CREBBP: variants seen among roughly 807,000 people sequenced by gnomAD.
The protein encoded by CREBBP is CREB-binding protein.
CREBBP carries 19 observed loss-of-function variants against 265.0 expected under a neutral mutation model. The ratio of observed to expected loss-of-function variants is 0.07; its 90% CI spans 0.05 to 0.11. CREBBP has a LOEUF of 0.11. Among genes scored for constraint, CREBBP ranks in the 10% least tolerant of loss-of-function variants. CREBBP has a pLI of 1.00. For missense variants in CREBBP, 2,525 were observed against 3,219.0 expected (o/e 0.78, Z 5.22); for synonymous variants, 1,457 against 1,223.7 (o/e 1.19, Z -3.98).
intron 5 of CREBBP, among the ~76,000 whole-genome samples, chr16:3,785,565 C>G (rs1240165750): frequency 6.6e-6 from 1 of 152,214 alleles, no homozygotes; most frequent in Non-Finnish European, 1.5e-5. Flanking sequence ...TGTGCAGAGT[C>G]CAGGGGACGT....
rs1567259904 is a variant in CREBBP, at chr16:3,728,137, G to T, written c.6910C>A (p.Gln2304Lys). Residue 2304 changes from glutamine to lysine, a missense_variant, in exon 31 of 31, where the codon CAG (glutamine) becomes AAG (lysine). Coordinates refer to ENST00000262367, the MANE Select transcript of CREBBP (RefSeq NM_004380.3). This position sits in a 1 kb window ranked among gnomAD's most constrained non-coding sequence, Gnocchi z 8.7. The stretch of plus-strand genomic sequence containing the variant: ...TTCGGCTGGCCTGGGGACCCAATCT[G>T]CTGCTTCATCTGCTGTTGCTGCAGA... ...RILQQQQMKQ[Q>K]IGSPGQPNPM... is the part of the protein sequence containing the mutation. 1 of 1,614,158 alleles carries T rather than the reference G, an allele frequency of 6.2e-7. No individual in the cohort carries two copies. Among genetic ancestry groups the T allele is most frequent in the East Asian group, 2.2e-5 (1 of 44,878 alleles).
At chr16:3,757,605 C>G (rs547415499) in intron 18 of CREBBP, among the ~76,000 whole-genome samples, 1 of 152,124 alleles carries the variant, frequency 6.6e-6, no homozygotes, top group African/African-American at 2.4e-5. Context: ...CAGCCAGAAA[C>G]GCTTCCCCAT....
chr16:3,818,507 C>T (rs1455412722), intron 2 of CREBBP, among the ~76,000 whole-genome samples: 1 of 151,876 alleles, frequency 6.6e-6, no homozygotes, highest in Non-Finnish European at 1.5e-5. Context: ...GGGGTTTCCC[C>T]ATCTTTACTA....
Position 3,729,020 on chromosome 16 carries a change from G to T in CREBBP, c.6027C>A (p.Ser2009Arg). 1 of 1,591,014 alleles carries T rather than the reference G, an allele frequency of 6.3e-7. No homozygotes were observed. ...GAGGCATGCTGGGCATGACGGGCCC[G>T]CTCACCTGGTTGGGTCGGGGCACAT... is the stretch of plus-strand genomic sequence containing the variant. ...SLNVPRPNQV[S>R]GPVMPSMPPG... The change falls in exon 31 of 31, where the codon AGC (serine) becomes AGA (arginine). Residue 2009 changes from serine (S) to arginine (R), a missense_variant. Ser to Arg is a moderately radical substitution (Grantham distance 110, BLOSUM62 -1). Around this residue, in one of 19 missense-constraint regions of CREBBP, gnomAD observed 275 missense variants for 276.5 expected, o/e 0.99. Coordinates refer to ENST00000262367, the MANE Select transcript of CREBBP (RefSeq NM_004380.3).
chr16:3,780,859 A>C lies in CREBBP; in HGVS notation c.1696T>G (p.Ser566Ala), dbSNP rs1596916312. Reference sequence around the variant, plus strand: ...AGGGTTCCAATGTTACCAGAGTTGGAGCCATCGTTCATCAGTGGGCTAAGG... The same window carrying C: ...AGGGTTCCAATGTTACCAGAGTTGGCGCCATCGTTCATCAGTGGGCTAAGG... Reference protein sequence around the residue: ...GATNPLMNDGSNSGNIGTLST... With the variant: ...GATNPLMNDGANSGNIGTLST... The change falls in exon 8 of 31, where the codon TCC becomes GCC. Residue 566 changes from serine (S) to alanine (A), a missense_variant. By Grantham distance (99) the Ser-to-Ala change is moderately conservative. Around this residue, in one of 19 missense-constraint regions of CREBBP, gnomAD observed 144 missense variants for 134.0 expected, o/e 1.07. Transcript: ENST00000262367. The C allele has an allele frequency of 1.2e-6, 2 of 1,613,586 alleles. No homozygotes were observed. Among genetic ancestry groups the C allele is most frequent in the East Asian group, 4.5e-5 (2 of 44,882 alleles).
At chr16:3,859,792 G>A (rs559277259) in intron 1 of CREBBP, among the ~76,000 whole-genome samples, 1 of 152,300 alleles carries the variant, frequency 6.6e-6, no homozygotes, top group African/African-American at 2.4e-5. Flanking sequence ...GGCACACCTG[G>A]ACGGGGCAAA....
chr16:3,857,811 TC>T (rs1480604190), intron 1 of CREBBP, among the ~76,000 whole-genome samples: 1 of 152,212 alleles, frequency 6.6e-6, no homozygotes, highest in African/African-American at 2.4e-5. Flanking sequence ...TTTTGCAGCT[TC>T]CTGGCTGCCA....
chr16:3,800,189 G>A (rs2053684558), intron 3 of CREBBP, among the ~76,000 whole-genome samples: 1 of 152,112 alleles, frequency 6.6e-6, no homozygotes, highest in African/African-American at 2.4e-5. Context: ...TGCAATCATG[G>A]CTCACACAGT....
intron 2 of CREBBP, 129 bp from the exon 3 acceptor site, chr16:3,810,908 TTC>T: frequency 1.1e-6 from 1 of 917,976 alleles, no homozygotes; most frequent in Non-Finnish European, 1.7e-6. Flanking sequence ...CATTATCAGG[TTC>T]ACATGCTCCA....
intron 1 of CREBBP, among the ~76,000 whole-genome samples, chr16:3,861,667 A>G (rs906770734): frequency 4.6e-5 from 7 of 151,422 alleles, no homozygotes; most frequent in Non-Finnish European, 8.8e-5. Context: ...AAAAAAAAAA[A>G]AAAGAAAGAG....
chr16:3,809,267 T>C (rs1224485527), intron 3 of CREBBP, among the ~76,000 whole-genome samples: 1 of 151,748 alleles, frequency 6.6e-6, no homozygotes, highest in Non-Finnish European at 1.5e-5. Context: ...AACCTCCACC[T>C]CCCAGGTTCA....
chr16:3,793,026 T>C (rs1234594144), intron 4 of CREBBP, among the ~76,000 whole-genome samples: 1 of 152,104 alleles, frequency 6.6e-6, no homozygotes, highest in African/African-American at 2.4e-5. Flanking sequence ...CTGTGCTATG[T>C]TCATTGCCCC....
chr16:3,757,150 A>G (rs1206354351), intron 19 of CREBBP, 138 bp downstream of exon 19: 1 of 730,096 alleles, frequency 1.4e-6, no homozygotes, highest in Non-Finnish European at 2.5e-6. Context: ...CTGGGATTAC[A>G]GGCGTGAGCC....
At chr16:3,862,435 C>T (rs1174650724) in intron 1 of CREBBP, among the ~76,000 whole-genome samples, 1 of 152,156 alleles carries the variant, frequency 6.6e-6, no homozygotes, top group African/African-American at 2.4e-5. Context: ...GGCTGGAGTG[C>T]AGTGACACAA....
At position 3,879,954 on chromosome 16, in the gene CREBBP, G is replaced by A. The variant is rs914428462; in HGVS notation, c.-38C>T. Reference sequence around the variant, plus strand: ...GCGAAAACAGCCCCGGGCACGGGCGGCCGGGCCGGCGAGGGCCCGGACGGG... The same window carrying A: ...GCGAAAACAGCCCCGGGCACGGGCGACCGGGCCGGCGAGGGCCCGGACGGG... On this transcript the variant is annotated 5_prime_UTR_variant, in exon 1 of 31. Transcript: ENST00000262367. 3 of 1,586,866 alleles carry A rather than the reference G, an allele frequency of 1.9e-6. No homozygotes were observed. The highest frequency in any genetic ancestry group is 2.6e-6 in the Non-Finnish European group (3 of 1,165,190).
chr16:3,850,471 G>A lies in CREBBP; in HGVS notation c.624C>T (p.Val208=). The change falls in exon 2 of 31, where the codon GTC becomes GTT. Residue 208 remains valine (V), a synonymous_variant. Transcript: ENST00000262367. ...CAGCAGCCCCAAGAGATCCATTCAT[G>A]ACTTGCGCCTGCCCTTGTGAAGCCT... ...INQASQGQAQ[V]MNGSLGAAGR... 1 of 1,614,224 alleles carries A rather than the reference G, an allele frequency of 6.2e-7. No individual in the cohort carries two copies. The highest frequency in any genetic ancestry group is 8.5e-7 in the Non-Finnish European group (1 of 1,180,048).
intron 9 of CREBBP, 36 bp downstream of exon 9, chr16:3,778,664 G>A (rs2141236607): frequency 7.0e-7 from 1 of 1,437,238 alleles, no homozygotes; most frequent in African/African-American, 1.4e-5. Flanking sequence ...TACTACAGAT[G>A]CTGTAGAGGC....
intron 21 of CREBBP, chr16:3,745,709 G>C (rs972041926): frequency 7.9e-6 from 3 of 380,462 alleles, no homozygotes; most frequent in African/African-American, 6.2e-5. Context: ...GCCTTCTCTA[G>C]GTGATTTCAC....
chr16:3,877,734 C>A (rs1251637835), intron 1 of CREBBP, among the ~76,000 whole-genome samples: 1 of 152,192 alleles, frequency 6.6e-6, no homozygotes, highest in Non-Finnish European at 1.5e-5. Flanking sequence ...TGATAATGAG[C>A]CCTTCCTTGG....
Sources: gnomAD v4.1 joint callset for allele counts (sites outside exome capture counted in the v4.1 genomes callset) on GRCh38, gnomAD v4.1.1 for gene constraint, gnomAD v4.1.1 regional missense constraint, Gnocchi (gnomAD v3.1) non-coding constraint, MANE v1.5 for transcripts, NCBI Gene and HGNC (gene_info 2026-07-23, HGNC 2026-07-21) for gene names.